The following TM4SF20 variants were observed in gnomAD, a reference collection of about 807,000 sequenced individuals.
The protein encoded by TM4SF20 is transmembrane 4 L six family member 20.
Under a neutral mutation model 15.1 loss-of-function variants are expected in TM4SF20, and 13 were observed. The observed-to-expected ratio is 0.86, with a 90% CI of 0.56 to 1.36. TM4SF20 has a LOEUF of 1.36. TM4SF20 is among the 40% of genes most tolerant of loss of function. The probability of loss-of-function intolerance (pLI) is 0.00; values close to 1 mark genes in which losing one functional copy is unlikely to be tolerated. For synonymous variants in TM4SF20, 92 were observed against 96.6 expected, an observed-to-expected ratio of 0.95 and a Z score of 0.28; for missense variants, 282 against 268.4, an observed-to-expected ratio of 1.05 and a Z score of -0.35.
upstream of TM4SF20, among the ~76,000 whole-genome samples, chr2:227,380,281 G>C (rs1231263626): frequency 1.3e-5 from 2 of 152,214 alleles, no homozygotes; most frequent in Non-Finnish European, 2.9e-5. Context: ...CATGAGCTGA[G>C]ATTGCACCAC....
chr2:227,368,383 C>T (rs2076404257), intron 2 of TM4SF20, among the ~76,000 whole-genome samples: 2 of 141,174 alleles, frequency 1.4e-5, no homozygotes, highest in Non-Finnish European at 3.1e-5. Context: ...CGGAGCCTTT[C>T]TTTGTTTCCC....
intron 3 of TM4SF20, among the ~76,000 whole-genome samples, chr2:227,365,476 G>C (rs949750804): frequency 6.6e-6 from 1 of 152,128 alleles, no homozygotes; most frequent in Admixed American, 6.5e-5. Flanking sequence ...TTAAGTACAT[G>C]TAACTCTCCA....
chr2:227,379,619 C>T (rs7574714), upstream of TM4SF20, among the ~76,000 whole-genome samples: 15,162 of 152,090 alleles, frequency 0.1, 819 homozygotes, highest in Admixed American at 0.15. Flanking sequence ...CCTGTTCTAT[C>T]GATATTATTA....
intron 2 of TM4SF20, among the ~76,000 whole-genome samples, chr2:227,369,286 G>GT (rs1457656020): frequency 6.6e-6 from 1 of 151,816 alleles, no homozygotes; most frequent in Non-Finnish European, 1.5e-5. Flanking sequence ...TATCTGGTTT[G>GT]TTTTTTTTAA....
intron 2 of TM4SF20, among the ~76,000 whole-genome samples, chr2:227,366,884 A>T (rs2076396255): frequency 6.6e-6 from 1 of 151,744 alleles, no homozygotes; most frequent in African/African-American, 2.4e-5. Flanking sequence ...TAGAATCTTG[A>T]CTGGATCTTA....
Position 227,366,193 on chromosome 2 carries a change from A to G in TM4SF20, c.301T>C (p.Cys101Arg), listed in dbSNP as rs778955141. The change falls in exon 3 of 4, where the codon TGC (cysteine) becomes CGC (arginine). Residue 101 changes from cysteine to arginine, a missense_variant. By Grantham distance (180) the Cys-to-Arg change is radical (BLOSUM62 -3). Transcript: ENST00000304568. Reference sequence around the variant, plus strand: ...AGAGCCTGGATGGATATCAGCATGCAATACAGAGCACCAATGACTGTGATC... The same window carrying G: ...AGAGCCTGGATGGATATCAGCATGCGATACAGAGCACCAATGACTGTGATC... ...SVITVIGALY[C>R]MLISIQALLK... The G allele has an allele frequency of 6.2e-7, 1 of 1,614,038 alleles. No homozygotes were observed. Among genetic ancestry groups the G allele is most frequent in the South Asian group, 1.1e-5 (1 of 91,052 alleles).
At chr2:227,366,742 AAAAAAAAAAAAAAAG>A (rs1388970497) in intron 2 of TM4SF20, among the ~76,000 whole-genome samples, 1,020 of 83,640 alleles carry the variant, frequency 0.012, 37 homozygotes, top group African/African-American at 0.048. Context: ...AAAAAAAAAA[AAAAAAAAAAAAAAAG>A]ATGGTTTGGC....
In TM4SF20 at chr2:227,366,224, G is replaced by A; in HGVS notation, c.270C>T (p.Phe90=). The A allele has an allele frequency of 6.2e-7, 1 of 1,607,990 alleles. No individual in the cohort carries two copies. Among genetic ancestry groups the A allele is most frequent in the Non-Finnish European group, 8.5e-7 (1 of 1,178,560 alleles). Residue 90 remains phenylalanine, a synonymous_variant, in exon 3 of 4, where the codon TTC becomes TTT. Transcript: ENST00000304568. Reference sequence around the variant, plus strand: ...GAGCACCAATGACTGTGATCACACTGAAAAGTGATGAAAGAAACATCTGAA... The same window carrying A: ...GAGCACCAATGACTGTGATCACACTAAAAAGTGATGAAAGAAACATCTGAA... The part of the protein sequence containing the change: ...NRTGMFLSSL[F]SVITVIGALY...
chr2:227,379,177 A>C lies in TM4SF20; in HGVS notation c.92T>G (p.Ile31Ser). 6.2e-7 allele frequency: 1 copy of C among 1,614,224 alleles called. No homozygotes were observed. The highest frequency in any genetic ancestry group is 8.5e-7 in the Non-Finnish European group (1 of 1,180,034). ...LGVVLNAIPLIVSLVEEDQFS... is the reference protein window; with the variant it reads ...LGVVLNAIPLSVSLVEEDQFS... ...TTGGTCTTCCTCAACTAAGCTGACA[A>C]TTAGAGGTATCGCATTGAGAACTAC... Residue 31 changes from isoleucine (I) to serine (S), a missense_variant, in exon 1 of 4, where the codon ATT becomes AGT. Physicochemically the swap from Ile to Ser is moderately radical, Grantham distance 142. Transcript: ENST00000304568.
Position 227,379,252 on chromosome 2 carries a change from C to T in TM4SF20, c.17G>A (p.Gly6Glu). 1.9e-6 allele frequency: 3 copies of T among 1,614,064 alleles called. No homozygotes were observed. Among genetic ancestry groups the T allele is most frequent in the Non-Finnish European group, 2.5e-6 (3 of 1,179,940 alleles). Residue 6 changes from glycine to glutamate, a missense_variant, in exon 1 of 4, where the codon GGA becomes GAA. Transcript: ENST00000304568. ...GCTGAATCCATTGCAGGATGTCCATCCTTCGCAGCAGGTCATGGTCACCCC... is the reference window on the plus strand; with the variant it reads ...GCTGAATCCATTGCAGGATGTCCATTCTTCGCAGCAGGTCATGGTCACCCC... MTCCE[G>E]WTSCNGFSLL...
chr2:227,373,710 C>A (rs907749759), intron 1 of TM4SF20, among the ~76,000 whole-genome samples: 1 of 151,988 alleles, frequency 6.6e-6, no homozygotes, highest in Admixed American at 6.6e-5. Context: ...GTGGGCGGAT[C>A]ACGAGATCAG....
In TM4SF20 at chr2:227,363,804, G is replaced by T. The variant is rs776852413; in HGVS notation, c.610C>A (p.Leu204Met). Reference sequence around the variant, plus strand: ...ATGACTATCTGACTGAGCCCAAACAGGACCTCCAGAATTCCAACAAGCAAT... The same window carrying T: ...ATGACTATCTGACTGAGCCCAAACATGACCTCCAGAATTCCAACAAGCAAT... ...GLLLVGILEV[L>M]FGLSQIVIGF... The change falls in exon 4 of 4, where the codon CTG (leucine) becomes ATG (methionine). Residue 204 changes from leucine (L) to methionine (M), a missense_variant. Coordinates refer to ENST00000304568, the MANE Select transcript of TM4SF20 (RefSeq NM_024795.4). 6 of 1,614,142 alleles carry T rather than the reference G, an allele frequency of 3.7e-6. No individual in the cohort carries two copies. Among genetic ancestry groups the T allele is most frequent in the Non-Finnish European group, 5.1e-6 (6 of 1,180,036 alleles).
At chr2:227,378,637 T>A (rs1166961790) in intron 1 of TM4SF20, among the ~76,000 whole-genome samples, 1 of 152,212 alleles carries the variant, frequency 6.6e-6, no homozygotes, top group Non-Finnish European at 1.5e-5. Context: ...GCCTCGTAAT[T>A]ACCATCACCC....
chr2:227,380,314 A>C (rs2076473819), upstream of TM4SF20, among the ~76,000 whole-genome samples: 1 of 152,226 alleles, frequency 6.6e-6, no homozygotes, highest in Non-Finnish European at 1.5e-5. Flanking sequence ...TGGGCGACAG[A>C]GGGAGACTCC....
At chr2:227,371,055 C>T (rs965076675) in intron 1 of TM4SF20, 75 bp from the exon 2 acceptor site, 23 of 1,237,126 alleles carry the variant, frequency 1.9e-5, no homozygotes, top group African/African-American at 1.2e-4. Flanking sequence ...CTTCACCTTC[C>T]GTTTACCACC....
At chr2:227,379,829 G>T (rs1446499699), upstream of TM4SF20, among the ~76,000 whole-genome samples, 1 of 152,232 alleles carries the variant, frequency 6.6e-6, no homozygotes, top group African/African-American at 2.4e-5. Flanking sequence ...CCTAAGACAT[G>T]TGAGAGCTTT....
intron 2 of TM4SF20, 104 bp downstream of exon 2, chr2:227,370,811 G>A (rs2076417055): frequency 1.1e-6 from 1 of 893,380 alleles, no homozygotes; most frequent in Non-Finnish European, 1.9e-6. Flanking sequence ...TGTCAGTGGA[G>A]CCCCACTGTG....
At chr2:227,368,355 A>ATATATATATATATATATATATATATAT (rs397988096) in intron 2 of TM4SF20, among the ~76,000 whole-genome samples, 4 of 132,066 alleles carry the variant, frequency 3.0e-5, no homozygotes, top group Admixed American at 7.7e-5. Flanking sequence ...ATATATATAT[A>ATATATATATATATATATATATATATAT]ATTTTTTGTT....
Position 227,366,260 on chromosome 2 carries a change from G to A in TM4SF20, c.250-16C>T. ...AAAGAAACATCTGAAAAATAAAATA[G>A]AGCCATTTGCACATGTTATGACATG... On this transcript the variant is annotated splice_polypyrimidine_tract_variant and intron_variant, in intron 2 of 3. Coordinates refer to ENST00000304568, the MANE Select transcript of TM4SF20 (RefSeq NM_024795.4). 1 of 1,608,134 alleles carries A rather than the reference G, an allele frequency of 6.2e-7. No homozygotes were observed. The highest frequency in any genetic ancestry group is 1.1e-5 in the South Asian group (1 of 90,004).
Sources: allele counts gnomAD v4.1 joint callset (sites outside exome capture counted in the v4.1 genomes callset), GRCh38; gene constraint gnomAD v4.1.1; transcripts MANE v1.5; gene names NCBI Gene and HGNC (gene_info 2026-07-23, HGNC 2026-07-21).